Variants in KIAA0319L observed in about 807,000 individuals in gnomAD.
The protein encoded by KIAA0319L is dyslexia-associated protein KIAA0319-like protein.
In KIAA0319L, 55 loss-of-function variants were observed where a neutral mutation model predicts 120.1. The ratio of observed to expected loss-of-function variants is 0.46; its 90% CI spans 0.37 to 0.57. The LOEUF is 0.57. KIAA0319L is among the 20% of genes least tolerant of loss of function. The pLI is 0.00. For missense variants in KIAA0319L, 1,049 were observed against 1,255.3 expected (o/e 0.84, Z 2.48); for synonymous variants, 398 against 471.9 (o/e 0.84, Z 2.03).
At chr1:35,530,306 A>G (rs562366112) in intron 2 of KIAA0319L, among the ~76,000 whole-genome samples, 1 of 151,804 alleles carries the variant, frequency 6.6e-6, no homozygotes, top group Non-Finnish European at 1.5e-5. Flanking sequence ...AATTACAGCC[A>G]TGAACCACTG....
At position 35,479,045 on chromosome 1, in the gene KIAA0319L, G is replaced by A; in HGVS notation, c.834C>T (p.Pro278=). ...KSSEKTQIAV[P]QPVAPSYSYA... The stretch of plus-strand genomic sequence containing the variant: ...AACTGTAGGAGGGAGCCACTGGCTG[G>A]GGGACAGCAATCTGGGTTTTCTCAG... The change falls in exon 4 of 21, where the codon CCC becomes CCT. Residue 278 remains proline (P), a synonymous_variant. Coordinates refer to ENST00000325722, the MANE Select transcript of KIAA0319L (RefSeq NM_024874.5). The A allele has an allele frequency of 6.2e-7, 1 of 1,614,128 alleles. No individual in the cohort carries two copies. Among genetic ancestry groups the A allele is most frequent in the Non-Finnish European group, 8.5e-7 (1 of 1,180,006 alleles).
chr1:35,557,379 C>T lies in KIAA0319L; in HGVS notation c.-201G>A, dbSNP rs951225056. 3.2e-6 allele frequency: 1 copy of T among 317,404 alleles called. No individual in the cohort carries two copies. The highest frequency in any genetic ancestry group is 2.3e-5 in the African/African-American group (1 of 43,648). The allele number at this position is 317,404 out of a possible 1,614,324, so 19.7% of individuals were successfully genotyped here. ...ACAGCTACCTCTCGCCTCAGCCTCC[C>T]TGGACAGCGACGGCGGCCGGAAACA... On this transcript the variant is annotated 5_prime_UTR_variant, in exon 1 of 21. Coordinates refer to ENST00000325722, the MANE Select transcript of KIAA0319L (RefSeq NM_024874.5).
At chr1:35,538,268 T>A (rs1646657890) in intron 2 of KIAA0319L, among the ~76,000 whole-genome samples, 1 of 152,110 alleles carries the variant, frequency 6.6e-6, no homozygotes, top group African/African-American at 2.4e-5. Context: ...TCATTAATAA[T>A]GTGAATTAAG....
chr1:35,548,103 A>G (rs1241517493), intron 2 of KIAA0319L, among the ~76,000 whole-genome samples: 1 of 151,774 alleles, frequency 6.6e-6, no homozygotes, highest in East Asian at 1.9e-4. Flanking sequence ...CCTGGGCAAC[A>G]GAGTGTGACT....
Position 35,454,453 on chromosome 1 carries a change from C to G in KIAA0319L, c.1689G>C (p.Ala563=). ...GVRTPTLQLS[A]MQEGDYTYQL... ...GGTAAGTGTAGTCTCCTTCTTGCAT[C>G]GCAGAGAGCTGTAAGGTTGGTGTTC... The change falls in exon 11 of 21, where the codon GCG becomes GCC. Residue 563 remains alanine, a synonymous_variant. Coordinates refer to ENST00000325722, the MANE Select transcript of KIAA0319L (RefSeq NM_024874.5). The G allele has an allele frequency of 1.9e-6, 3 of 1,614,042 alleles. No individual in the cohort carries two copies. The highest frequency in any genetic ancestry group is 2.5e-6 in the Non-Finnish European group (3 of 1,179,944).
At chr1:35,535,654 A>G (rs1483498430) in intron 2 of KIAA0319L, among the ~76,000 whole-genome samples, 1 of 152,208 alleles carries the variant, frequency 6.6e-6, no homozygotes, top group Admixed American at 6.5e-5. Context: ...TAAAAAGCTC[A>G]GTATATATTA....
intron 2 of KIAA0319L, among the ~76,000 whole-genome samples, chr1:35,530,204 T>C (rs1221216027): frequency 6.6e-6 from 1 of 151,762 alleles, no homozygotes; most frequent in Non-Finnish European, 1.5e-5. Flanking sequence ...CCCGGCCTTT[T>C]TTTTTTTTTT....
intron 2 of KIAA0319L, among the ~76,000 whole-genome samples, chr1:35,543,872 A>T (rs1474312351): frequency 6.6e-6 from 1 of 152,236 alleles, no homozygotes; most frequent in African/African-American, 2.4e-5. Flanking sequence ...AAAGCATGGC[A>T]GTTAGGTGCA....
At chr1:35,512,991 T>C (rs1645518733) in intron 2 of KIAA0319L, among the ~76,000 whole-genome samples, 2 of 151,356 alleles carry the variant, frequency 1.3e-5, no homozygotes, top group Admixed American at 1.3e-4. Context: ...TATAAATAAA[T>C]TTTTATTGGA....
Position 35,462,870 on chromosome 1 carries a change from G to T in KIAA0319L, c.1202-157C>A, listed in dbSNP as rs901993853. 2.6e-5 allele frequency among the ~76,000 whole-genome samples: 4 copies of T among 152,132 alleles called. No homozygotes were observed. The East Asian group carries it at 7.7e-4, about 29-fold the overall frequency. On this transcript the variant is annotated intron_variant, in intron 7 of 20. Coordinates refer to ENST00000325722, the MANE Select transcript of KIAA0319L (RefSeq NM_024874.5). The stretch of plus-strand genomic sequence containing the variant: ...GTTTTGTGGAAGACAATTTTTCCAT[G>T]AACGGGTGGTGGGGGTTGGGGGCTG...
intron 7 of KIAA0319L, among the ~76,000 whole-genome samples, chr1:35,463,591 C>A (rs1643049654): frequency 6.6e-6 from 1 of 152,086 alleles, no homozygotes; most frequent in Admixed American, 6.5e-5. Flanking sequence ...ATTTTCTTTG[C>A]AAAATGATCA....
intron 20 of KIAA0319L, 51 bp from the exon 21 acceptor site, chr1:35,435,132 A>G: frequency 1.3e-6 from 2 of 1,536,728 alleles, no homozygotes; most frequent in Admixed American, 1.7e-5. Context: ...TCAAGGCTGG[A>G]GCCACCCCCA....
chr1:35,473,143 T>C (rs927931464), intron 5 of KIAA0319L, among the ~76,000 whole-genome samples: 24 of 141,672 alleles, frequency 1.7e-4, no homozygotes, highest in African/African-American at 6.4e-4. Flanking sequence ...TCACCCAGGC[T>C]GGAGTGCAAT....
In KIAA0319L at chr1:35,528,829, T is replaced by C. The variant is rs115790303; in HGVS notation, c.143-21694A>G. Among the ~76,000 whole-genome samples, 967 of 152,352 alleles carry C rather than the reference T, an allele frequency of 6.3e-3. 14 individuals are homozygous for C. Among genetic ancestry groups the C allele is most frequent in the African/African-American group, 0.021 (889 of 41,586 alleles). On this transcript the variant is annotated intron_variant, in intron 2 of 20. Coordinates refer to ENST00000325722, the MANE Select transcript of KIAA0319L (RefSeq NM_024874.5). ...AGAATTGTTATATCCTATTGCTGAA[T>C]GGATCCCTTTATCATTATATAATGA... is the stretch of plus-strand genomic sequence containing the variant.
chr1:35,459,571 T>G (rs899725230), intron 9 of KIAA0319L, among the ~76,000 whole-genome samples: 1 of 150,150 alleles, frequency 6.7e-6, no homozygotes, highest in African/African-American at 2.5e-5. Context: ...CACCCCAGCC[T>G]GGGCGACAGA....
Position 35,448,284 on chromosome 1 carries a change from C to T in KIAA0319L, c.2402G>A (p.Ser801Asn), listed in dbSNP as rs1412197173. Residue 801 changes from serine (S) to asparagine (N), a missense_variant, in exon 16 of 21, where the codon AGT becomes AAT. By Grantham distance (46) the Ser-to-Asn change is conservative. Coordinates refer to ENST00000325722, the MANE Select transcript of KIAA0319L (RefSeq NM_024874.5). ...LVEIILDINV[S>N]QLTERLKGMF... ...CCCCTTCAGCCTCTCAGTTAGCTGA[C>T]TGACGTTGATATCCAAGATGATCTC... is the stretch of plus-strand genomic sequence containing the variant. 2 of 1,614,116 alleles carry T rather than the reference C, an allele frequency of 1.2e-6. No individual in the cohort carries two copies. Among genetic ancestry groups the T allele is most frequent in the African/African-American group, 1.3e-5 (1 of 75,038 alleles).
intron 3 of KIAA0319L, among the ~76,000 whole-genome samples, chr1:35,493,792 C>T (rs566932520): frequency 6.6e-6 from 1 of 152,074 alleles, no homozygotes; most frequent in East Asian, 1.9e-4. Flanking sequence ...CTGCAGAGAG[C>T]CGAGATCACG....
Position 35,554,363 on chromosome 1 carries a change from C to A in KIAA0319L, c.129G>T (p.Leu43=). The A allele has an allele frequency of 6.3e-7, 1 of 1,596,000 alleles. No individual in the cohort carries two copies. Among genetic ancestry groups the A allele is most frequent in the African/African-American group, 1.4e-5 (1 of 73,964 alleles). ...LFYTCFCFSV[L]WLSTDASESR... is the part of the protein sequence containing the mutation. The stretch of plus-strand genomic sequence containing the variant: ...AGAAAATAGTACCTGTTGACAACCA[C>A]AGAACGCTGAAGCAAAAGCAAGTAT... The change falls in exon 2 of 21, where the codon CTG becomes CTT. Residue 43 remains leucine, a synonymous_variant. Transcript: ENST00000325722.
Position 35,557,386 on chromosome 1 carries a change from G to A in KIAA0319L, c.-208C>T, listed in dbSNP as rs1648279677. On this transcript the variant is annotated 5_prime_UTR_variant, in exon 1 of 21. Transcript: ENST00000325722. ...CCTCTCGCCTCAGCCTCCCTGGACAGCGACGGCGGCCGGAAACACCGCCTC... is the reference window on the plus strand; with the variant it reads ...CCTCTCGCCTCAGCCTCCCTGGACAACGACGGCGGCCGGAAACACCGCCTC... 1 of 316,304 alleles carries A rather than the reference G, an allele frequency of 3.2e-6. No individual in the cohort carries two copies. Among genetic ancestry groups the A allele is most frequent in the Non-Finnish European group, 6.2e-6 (1 of 161,408 alleles). 19.6% of individuals were successfully genotyped at this position (316,304 alleles called of 1,614,324 possible).
Sources: gnomAD v4.1 joint callset for allele counts (sites outside exome capture counted in the v4.1 genomes callset) on GRCh38, gnomAD v4.1.1 for gene constraint, MANE v1.5 for transcripts, NCBI Gene and HGNC (gene_info 2026-07-23, HGNC 2026-07-21) for gene names.